The following STARD13 variants were observed in gnomAD, a reference collection of about 807,000 sequenced individuals.
STARD13 encodes StAR related lipid transfer domain containing 13, also known as stAR-related lipid transfer protein 13.
Under a neutral mutation model 106.4 loss-of-function variants are expected in STARD13, and 62 were observed. The observed-to-expected ratio is 0.58, with a 90% confidence interval of 0.48 to 0.72. The LOEUF is 0.72. Ranked by LOEUF, STARD13 falls within the 30% of genes least tolerant of loss-of-function variation. The pLI is 0.00. For synonymous variants in STARD13, 565 were observed against 553.0 expected, an observed-to-expected ratio of 1.02 and a Z score of -0.31; for missense variants, 1,387 against 1,424.0, an observed-to-expected ratio of 0.97 and a Z score of 0.42.
chr13:33,143,617 A>G (rs947399162), intron 3 of STARD13, among the ~76,000 whole-genome samples: 6 of 152,104 alleles, frequency 3.9e-5, no homozygotes, highest in Admixed American at 2.0e-4. Flanking sequence ...CAGTTTCGCA[A>G]TCTCCGGCTC....
the STARD13 span, among the ~76,000 whole-genome samples, chr13:33,358,257 C>A: frequency 7.2e-5 from 11 of 152,320 alleles, no homozygotes; most frequent in African/African-American, 2.6e-4. Context: ...ATGCCTGAGC[C>A]TCCCACCCAC....
chr13:33,530,364 A>C, the STARD13 span, among the ~76,000 whole-genome samples: 3 of 152,174 alleles, frequency 2.0e-5, no homozygotes, highest in Non-Finnish European at 2.9e-5. Context: ...TGGCTTTTAC[A>C]GTAATTATTT....
the STARD13 span, among the ~76,000 whole-genome samples, chr13:33,361,465 T>C: frequency 6.6e-6 from 1 of 152,222 alleles, no homozygotes; most frequent in African/African-American, 2.4e-5. Context: ...TTTTAGACTG[T>C]AGCTCGGGGG....
chr13:33,441,267 T>G, the STARD13 span, among the ~76,000 whole-genome samples: 1 of 152,198 alleles, frequency 6.6e-6, no homozygotes, highest in Non-Finnish European at 1.5e-5. Context: ...TGCAATAGTT[T>G]CCTAACTTCT....
chr13:33,163,339 C>A (rs1882858820), intron 3 of STARD13, among the ~76,000 whole-genome samples: 1 of 151,858 alleles, frequency 6.6e-6, no homozygotes, highest in East Asian at 1.9e-4. Context: ...GTAATCCCAG[C>A]ACTTTGGGAG....
At chr13:33,503,117 T>G in the STARD13 span, among the ~76,000 whole-genome samples, 1 of 152,210 alleles carries the variant, frequency 6.6e-6, no homozygotes, top group Non-Finnish European at 1.5e-5. Flanking sequence ...TAGGAGGGTG[T>G]ATGTGTCCAG....
the STARD13 span, among the ~76,000 whole-genome samples, chr13:33,522,118 C>T: frequency 3.9e-5 from 6 of 151,924 alleles, no homozygotes; most frequent in Admixed American, 2.0e-4. Context: ...GCATTCTTTA[C>T]GAAAAAGAAA....
chr13:33,127,416 T>C lies in STARD13; in HGVS notation c.1879A>G (p.Ile627Val). The C allele has an allele frequency of 6.2e-7, 1 of 1,605,424 alleles. No homozygotes were observed. The highest frequency in any genetic ancestry group is 8.5e-7 in the Non-Finnish European group (1 of 1,177,958). ...QRFSLLRLTA[I>V]MEKHSMSNKH... Reference sequence around the variant, plus strand: ...TTGGACATGGAGTGCTTCTCCATGATGGCCGTGAGGCGGAGCAGTGAGAAG... The same window carrying C: ...TTGGACATGGAGTGCTTCTCCATGACGGCCGTGAGGCGGAGCAGTGAGAAG... Residue 627 changes from isoleucine (I) to valine (V), a missense_variant, in exon 6 of 14, where the codon ATC becomes GTC. Physicochemically the swap from Ile to Val is conservative, Grantham distance 29. Coordinates refer to ENST00000336934, the MANE Select transcript of STARD13 (RefSeq NM_178006.4).
At chr13:33,180,126 T>C (rs1471979240) in intron 1 of STARD13, among the ~76,000 whole-genome samples, 1 of 152,226 alleles carries the variant, frequency 6.6e-6, no homozygotes, top group South Asian at 2.1e-4. Flanking sequence ...CAGGAAGCCA[T>C]GCTTCACACA....
At chr13:33,523,654 A>C in the STARD13 span, among the ~76,000 whole-genome samples, 1 of 152,158 alleles carries the variant, frequency 6.6e-6, no homozygotes, top group African/African-American at 2.4e-5. Context: ...AAGTTGTAAA[A>C]CGTCTATAGA....
chr13:33,106,984 G>A (rs1873821296), intron 12 of STARD13, 50 bp from the exon 13 acceptor site: 1 of 1,548,816 alleles, frequency 6.5e-7, no homozygotes, highest in Non-Finnish European at 8.8e-7. Flanking sequence ...GGAGGAAGAA[G>A]AACCTGAACA....
Position 33,165,412 on chromosome 13 carries a change from T to A in STARD13, c.248A>T (p.Gln83Leu). Residue 83 changes from glutamine (Q) to leucine (L), a missense_variant, in exon 3 of 14, where the codon CAA (glutamine) becomes CTA (leucine). Gln to Leu is a moderately radical substitution (Grantham distance 113, BLOSUM62 -2). Coordinates refer to ENST00000336934, the MANE Select transcript of STARD13 (RefSeq NM_178006.4). ...PQYAQLYEDS[Q>L]FPINIVAVKN... ...GACAGCCACAATGTTGATGGGAAAT[T>A]GTGAATCTGAGAGAGAAAGACAAAG... The A allele has an allele frequency of 6.2e-7, 1 of 1,613,340 alleles. No individual in the cohort carries two copies. Among genetic ancestry groups the A allele is most frequent in the Non-Finnish European group, 8.5e-7 (1 of 1,179,312 alleles).
chr13:33,432,591 G>A, the STARD13 span, among the ~76,000 whole-genome samples: 45 of 152,144 alleles, frequency 3.0e-4, no homozygotes, highest in Non-Finnish European at 5.4e-4. Context: ...CAGTCAGTAC[G>A]ATAGGTGATT....
chr13:33,539,810 C>G, the STARD13 span, among the ~76,000 whole-genome samples: 45 of 152,272 alleles, frequency 3.0e-4, no homozygotes, highest in African/African-American at 9.9e-4. Context: ...TGGATACGTA[C>G]AAATCCCTAC....
At chr13:33,585,544 A>G in the STARD13 span, among the ~76,000 whole-genome samples, 4 of 152,260 alleles carry the variant, frequency 2.6e-5, no homozygotes, top group East Asian at 7.7e-4. Context: ...AAGTACAAAA[A>G]TTAGCAAGGT....
the STARD13 span, among the ~76,000 whole-genome samples, chr13:33,477,894 C>T: frequency 2.0e-5 from 3 of 152,208 alleles, no homozygotes; most frequent in Admixed American, 6.5e-5. Context: ...GTTCCTTTCT[C>T]AAGAAACCAA....
At chr13:33,272,041 G>A (rs1891192436) in intron 1 of STARD13, among the ~76,000 whole-genome samples, 1 of 152,122 alleles carries the variant, frequency 6.6e-6, no homozygotes, top group African/African-American at 2.4e-5. Context: ...GTCTTACTAT[G>A]TTTATTTTCC....
intron 10 of STARD13, among the ~76,000 whole-genome samples, chr13:33,111,113 T>A (rs1874493803): frequency 6.6e-6 from 1 of 152,254 alleles, no homozygotes; most frequent in Non-Finnish European, 1.5e-5. Flanking sequence ...GAGGCTGTAT[T>A]TATTATTCAA....
chr13:33,422,907 A>G, the STARD13 span, among the ~76,000 whole-genome samples: 3 of 152,352 alleles, frequency 2.0e-5, no homozygotes, highest in East Asian at 5.8e-4. Flanking sequence ...GAAAGCTGAA[A>G]CTGGATCCCT....
Sources: allele counts gnomAD v4.1 joint callset (sites outside exome capture counted in the v4.1 genomes callset), GRCh38; gene constraint gnomAD v4.1.1; transcripts MANE v1.5; gene names NCBI Gene and HGNC (gene_info 2026-07-23, HGNC 2026-07-21).